The following POTEE variants were observed in gnomAD, a reference collection of about 807,000 sequenced individuals.
POTEE encodes POTE ankyrin domain family member E.
POTEE carries 21 observed loss-of-function variants against 74.2 expected under a neutral mutation model. The ratio of observed to expected loss-of-function variants is 0.28; its 90% CI spans 0.20 to 0.41. The LOEUF (loss-of-function observed/expected upper bound fraction) is 0.41. POTEE is among the 10% of genes least tolerant of loss of function. POTEE has a pLI of 1.00. For synonymous variants in POTEE, 211 were observed against 432.8 expected, an observed-to-expected ratio of 0.49 and a Z score of 6.36; for missense variants, 525 against 1,158.6, an observed-to-expected ratio of 0.45 and a Z score of 7.94.
chr2:131,225,598 A>C (rs1297890479), intron 6 of POTEE, among the ~76,000 whole-genome samples: 2 of 138,908 alleles, frequency 1.4e-5, no homozygotes, highest in Admixed American at 7.5e-5. Context: ...ATGGGGTCTC[A>C]CTCTGTTTCC....
intron 2 of POTEE, among the ~76,000 whole-genome samples, chr2:131,215,433 T>C (rs558406051): frequency 6.6e-6 from 1 of 152,184 alleles, no homozygotes; most frequent in East Asian, 1.9e-4. Context: ...GAGAGGGAGT[T>C]TGTGCAATTA....
chr2:131,233,415 G>C (rs1261136495), intron 9 of POTEE, among the ~76,000 whole-genome samples: 3 of 152,084 alleles, frequency 2.0e-5, no homozygotes, highest in Non-Finnish European at 4.4e-5. Context: ...CCTATAGTTT[G>C]CTGGGATTGA....
chr2:131,216,912 A>G (rs1320760161), intron 2 of POTEE, among the ~76,000 whole-genome samples: 1 of 151,986 alleles, frequency 6.6e-6, no homozygotes, highest in Non-Finnish European at 1.5e-5. Context: ...GGGCTGGGAG[A>G]GGTTTAAAGG....
chr2:131,228,887 T>A (rs1221674052), intron 8 of POTEE, among the ~76,000 whole-genome samples: 1 of 144,704 alleles, frequency 6.9e-6, no homozygotes, highest in Non-Finnish European at 1.5e-5. Flanking sequence ...TTCCGTTGAT[T>A]TTGTTGCTGC....
In POTEE at chr2:131,218,681, A is replaced by T. The variant is rs1390954369; in HGVS notation, c.279A>T (p.Thr93=). The T allele has an allele frequency of 2.2e-6, 3 of 1,335,912 alleles. No individual in the cohort carries two copies. The highest frequency in any genetic ancestry group is 3.0e-6 in the Non-Finnish European group (3 of 993,340). 82.8% of individuals were successfully genotyped at this position (1,335,912 alleles called of 1,614,324 possible). A position where few individuals can be genotyped will look rare whatever the true frequency, so the allele number is the denominator to read the frequency against. The change falls in exon 4 of 18, where the codon ACA becomes ACT. Residue 93 remains threonine, a synonymous_variant. Coordinates refer to ENST00000683005, the MANE Select transcript of POTEE (RefSeq NM_001083538.3). ...SGDHDDSAMK[T]LRNKMGKWCC... is the part of the protein sequence containing the mutation. The stretch of plus-strand genomic sequence containing the variant: ...ACCACGACGACTCTGCTATGAAGAC[A>T]CTCAGGAACAAGATGGGGAAGTGGT...
chr2:131,226,032 C>G (rs990216312), intron 6 of POTEE, among the ~76,000 whole-genome samples: 1 of 152,110 alleles, frequency 6.6e-6, no homozygotes, highest in African/African-American at 2.4e-5. Context: ...CATTCAAGTG[C>G]TTAGGTCAGT....
chr2:131,218,680 C>T lies in POTEE; in HGVS notation c.278C>T (p.Thr93Ile), dbSNP rs769029306. The stretch of plus-strand genomic sequence containing the variant: ...GACCACGACGACTCTGCTATGAAGA[C>T]ACTCAGGAACAAGATGGGGAAGTGG... ...SGDHDDSAMK[T>I]LRNKMGKWCC... The change falls in exon 4 of 18, where the codon ACA (threonine) becomes ATA (isoleucine). Residue 93 changes from threonine (T) to isoleucine (I), a missense_variant. Physicochemically the swap from Thr to Ile is moderately conservative, Grantham distance 89 (BLOSUM62 -1). Coordinates refer to ENST00000683005, the MANE Select transcript of POTEE (RefSeq NM_001083538.3). 2.2e-6 allele frequency: 3 copies of T among 1,342,424 alleles called. No homozygotes were observed. The highest frequency in any genetic ancestry group is 2.4e-5 in the Admixed American group (1 of 41,542). The allele number at this position is 1,342,424 out of a possible 1,614,324, so 83.2% of individuals were successfully genotyped here.
At chr2:131,251,286 A>C (rs2105123214) in intron 14 of POTEE, among the ~76,000 whole-genome samples, 1 of 34,410 alleles carries the variant, frequency 2.9e-5, no homozygotes, top group East Asian at 1.0e-3. Flanking sequence ...AAAAATTTTA[A>C]TAGATTCTTA....
In POTEE at chr2:131,229,442, C is replaced by T. The variant is rs541349277; in HGVS notation, c.1055+1061C>T. Among the ~76,000 whole-genome samples, 25 of 152,294 alleles carry T rather than the reference C, an allele frequency of 1.6e-4. No homozygotes were observed. In the South Asian group the frequency reaches 3.1e-3, roughly 19 times the overall value. ...TGATTTACATGATAATGAAAATTGT[C>T]GGAGCTACTTCCATCTCTAGCTCAA... On this transcript the variant is annotated intron_variant, in intron 8 of 17. Coordinates refer to ENST00000683005, the MANE Select transcript of POTEE (RefSeq NM_001083538.3).
chr2:131,258,193 T>G (rs557447609), intron 16 of POTEE, among the ~76,000 whole-genome samples: 34 of 5,116 alleles, frequency 6.6e-3, no homozygotes, highest in African/African-American at 0.023. Flanking sequence ...TTGAGTCAAC[T>G]TTAACCAGAA....
At chr2:131,236,250 T>G (rs1386200616) in intron 9 of POTEE, among the ~76,000 whole-genome samples, 6 of 152,144 alleles carry the variant, frequency 3.9e-5, no homozygotes, top group East Asian at 3.9e-4. Flanking sequence ...TTTGTTTTCT[T>G]AACCTTGCTC....
chr2:131,237,582 A>G (rs1701173732), intron 10 of POTEE, among the ~76,000 whole-genome samples: 1 of 151,454 alleles, frequency 6.6e-6, no homozygotes, highest in Admixed American at 6.6e-5. Context: ...AATATATTAG[A>G]ACTGGACTTA....
chr2:131,234,878 A>G (rs1355487190), intron 9 of POTEE, among the ~76,000 whole-genome samples: 1 of 31,438 alleles, frequency 3.2e-5, no homozygotes, highest in Non-Finnish European at 7.0e-5. Context: ...AGTGATCTAT[A>G]TCTAAATGCA....
chr2:131,220,215 C>CT (rs576275628), intron 4 of POTEE, among the ~76,000 whole-genome samples: 8 of 150,824 alleles, frequency 5.3e-5, no homozygotes, highest in South Asian at 2.1e-4. Context: ...TATATATATA[C>CT]TTTTTTTTGG....
chr2:131,224,515 T>C (rs1401783095), intron 6 of POTEE, among the ~76,000 whole-genome samples: 4 of 146,432 alleles, frequency 2.7e-5, no homozygotes, highest in African/African-American at 1.0e-4. Context: ...TATTTCTGAT[T>C]GCTCATGAGC....
intron 2 of POTEE, among the ~76,000 whole-genome samples, chr2:131,216,221 G>A (rs72984332): frequency 0.011 from 1,618 of 149,372 alleles, 9 homozygotes; most frequent in African/African-American, 0.04. Flanking sequence ...TCCTATATTT[G>A]TCAACTGAAA....
chr2:131,210,514 C>T (rs901426981), intron 1 of POTEE, among the ~76,000 whole-genome samples: 6 of 151,906 alleles, frequency 3.9e-5, no homozygotes, highest in African/African-American at 1.5e-4. Flanking sequence ...TCTCCTTGCT[C>T]CTTCGGGTAA....
At chr2:131,215,309 CACTT>C (rs1049087860) in intron 2 of POTEE, among the ~76,000 whole-genome samples, 3 of 152,166 alleles carry the variant, frequency 2.0e-5, no homozygotes, top group Non-Finnish European at 2.9e-5. Flanking sequence ...TTGCATATGT[CACTT>C]ACAGAATATA....
chr2:131,226,954 G>A (rs755473672), intron 7 of POTEE, 25 bp downstream of exon 7: 14 of 1,610,480 alleles, frequency 8.7e-6, no homozygotes, highest in Non-Finnish European at 1.2e-5. Context: ...TTTAATCTGT[G>A]TGTTCTAGAT....
Sources: allele counts gnomAD v4.1 joint callset (sites outside exome capture counted in the v4.1 genomes callset), GRCh38; gene constraint gnomAD v4.1.1; transcripts MANE v1.5; gene names NCBI Gene and HGNC (gene_info 2026-07-23, HGNC 2026-07-21).